GSE1: variants seen among roughly 807,000 people sequenced by gnomAD.
The protein encoded by GSE1 is Gse1 coiled-coil protein, also known as genetic suppressor element 1.
GSE1 carries 32 observed loss-of-function variants against 112.6 expected under a neutral mutation model. That is an observed-to-expected ratio of 0.28 (90% CI 0.21 to 0.38). The LOEUF (loss-of-function observed/expected upper bound fraction) is 0.38. Among genes scored for constraint, GSE1 ranks in the 10% least tolerant of loss-of-function variants. GSE1 has a pLI of 1.00. For missense variants in GSE1, 2,348 were observed against 1,699.2 expected (o/e 1.38, Z -6.71); for synonymous variants, 1,115 against 735.6 (o/e 1.52, Z -8.35).
At chr16:85,315,981 C>G (rs1411906642) in intron 1 of GSE1, among the ~76,000 whole-genome samples, 1 of 152,176 alleles carries the variant, frequency 6.6e-6, no homozygotes, top group African/African-American at 2.4e-5. Flanking sequence ...GGCTGGTGCC[C>G]ATGGTGCCCC....
chr16:85,326,616 G>T (rs998493561), intron 1 of GSE1, among the ~76,000 whole-genome samples: 4 of 152,168 alleles, frequency 2.6e-5, no homozygotes, highest in African/African-American at 9.7e-5. Context: ...TGCCATGATT[G>T]TAAGTTTCCC....
intron 1 of GSE1, among the ~76,000 whole-genome samples, chr16:85,187,141 C>T (rs924836010): frequency 6.6e-6 from 1 of 152,302 alleles, no homozygotes; most frequent in African/African-American, 2.4e-5. Context: ...CCAGTGGGAG[C>T]GACTCAGCTG....
At chr16:85,469,126 C>T (rs977703545) in intron 2 of GSE1, among the ~76,000 whole-genome samples, 36 of 151,978 alleles carry the variant, frequency 2.4e-4, no homozygotes, top group African/African-American at 8.5e-4. Flanking sequence ...TGTGGTGACA[C>T]GGGCCTGTAA....
At chr16:85,607,333 G>A (rs550518524), upstream of GSE1, among the ~76,000 whole-genome samples, 76 of 152,326 alleles carry the variant, frequency 5.0e-4, no homozygotes, top group South Asian at 6.2e-4. Context: ...CAGCAGCCCC[G>A]ACGCACACGG....
At chr16:85,433,557 C>T (rs1326211004) in intron 2 of GSE1, among the ~76,000 whole-genome samples, 1 of 151,770 alleles carries the variant, frequency 6.6e-6, no homozygotes, top group Non-Finnish European at 1.5e-5. Flanking sequence ...CAGATGAAGG[C>T]TGTGTAGATG....
At chr16:85,663,646 C>A in intron 11 of GSE1, 32 bp downstream of exon 11, 1 of 1,588,646 alleles carries the variant, frequency 6.3e-7, no homozygotes, top group Non-Finnish European at 8.6e-7. Flanking sequence ...AAGGTGGGGG[C>A]TCACTGGGGT....
At chr16:85,632,854 G>C (rs1567684096) in intron 1 of GSE1, among the ~76,000 whole-genome samples, 1 of 152,248 alleles carries the variant, frequency 6.6e-6, no homozygotes, top group Non-Finnish European at 1.5e-5. Context: ...GGGCGTCTCT[G>C]CGGGGGAGGG....
chr16:85,209,483 T>G (rs536202388), intron 1 of GSE1, among the ~76,000 whole-genome samples: 1 of 152,068 alleles, frequency 6.6e-6, no homozygotes, highest in African/African-American at 2.4e-5. Context: ...CCAGCTGGCG[T>G]GCATCCCCCT....
intron 2 of GSE1, among the ~76,000 whole-genome samples, chr16:85,453,198 C>T (rs144561877): frequency 3.4e-4 from 52 of 152,120 alleles, no homozygotes; most frequent in Admixed American, 8.5e-4. Flanking sequence ...GACATTGGCA[C>T]GGCTGATGGG....
intron 1 of GSE1, among the ~76,000 whole-genome samples, chr16:85,315,167 G>A (rs1341751349): frequency 1.3e-5 from 2 of 152,052 alleles, no homozygotes; most frequent in East Asian, 1.9e-4. Context: ...ACCACCGCAG[G>A]GTGATCTTTT....
chr16:85,581,972 C>T (rs1041143136), intron 1 of GSE1: 1 of 152,196 alleles, frequency 6.6e-6, no homozygotes, highest in Admixed American at 6.5e-5. Flanking sequence ...CTCCCCACCC[C>T]AAGTTGGGTG....
chr16:85,528,545 A>C (rs1406182787), intron 2 of GSE1, among the ~76,000 whole-genome samples: 1 of 152,020 alleles, frequency 6.6e-6, no homozygotes, highest in African/African-American at 2.4e-5. Flanking sequence ...GCTGGTCTCA[A>C]AACTCTGGCT....
intron 1 of GSE1, among the ~76,000 whole-genome samples, chr16:85,220,840 C>T (rs2075378692): frequency 6.6e-6 from 1 of 152,146 alleles, no homozygotes; most frequent in Non-Finnish European, 1.5e-5. Flanking sequence ...TCTCTCCCAC[C>T]ACTTCCTCCC....
chr16:85,616,096 C>T (rs1221705452), intron 1 of GSE1, among the ~76,000 whole-genome samples: 1 of 152,264 alleles, frequency 6.6e-6, no homozygotes, highest in East Asian at 1.9e-4. Context: ...GCATCGCCGG[C>T]CCCAGGAAGA....
intron 1 of GSE1, among the ~76,000 whole-genome samples, chr16:85,595,891 T>G: frequency 8.9e-6 from 1 of 112,586 alleles, no homozygotes; most frequent in Admixed American, 9.6e-5. Context: ...CACCCACCCA[T>G]TCCTCCATCC....
At chr16:85,467,709 A>T (rs1427277423) in intron 2 of GSE1, among the ~76,000 whole-genome samples, 1 of 152,170 alleles carries the variant, frequency 6.6e-6, no homozygotes, top group Admixed American at 6.5e-5. Flanking sequence ...CATCACTTCT[A>T]TGGTGGTAGC....
intron 1 of GSE1, chr16:85,357,348 A>G (rs781597579): frequency 1.9e-5 from 12 of 626,882 alleles, no homozygotes; most frequent in Admixed American, 4.3e-5. Context: ...GTTCCTGATC[A>G]CCAAGGCCAG....
At chr16:85,315,122 G>A (rs2151489622) in intron 1 of GSE1, among the ~76,000 whole-genome samples, 1 of 152,158 alleles carries the variant, frequency 6.6e-6, no homozygotes, top group African/African-American at 2.4e-5. Flanking sequence ...GGACACAGTG[G>A]GCCTTAACAT....
chr16:85,510,113 C>T (rs942127910), intron 2 of GSE1, among the ~76,000 whole-genome samples: 2 of 152,236 alleles, frequency 1.3e-5, no homozygotes, highest in Non-Finnish European at 2.9e-5. Context: ...GATGTACCCG[C>T]CCTGGAGCCC....
Sources: gnomAD v4.1 joint callset for allele counts (sites outside exome capture counted in the v4.1 genomes callset) on GRCh38, gnomAD v4.1.1 for gene constraint, MANE v1.5 for transcripts, NCBI Gene and HGNC (gene_info 2026-07-23, HGNC 2026-07-21) for gene names.